MARCHF8: variants seen among roughly 807,000 people sequenced by gnomAD.
MARCHF8 encodes the protein membrane associated ring-CH-type finger 8.
In MARCHF8, 40 loss-of-function variants were observed where a neutral mutation model predicts 51.6. That is an observed-to-expected ratio of 0.77 (90% CI 0.60 to 1.01). The LOEUF (loss-of-function observed/expected upper bound fraction) is 1.01. Among genes scored for constraint, MARCHF8 ranks in the 50% least tolerant of loss-of-function variants. The probability of loss-of-function intolerance (pLI) is 0.00; values close to 1 mark genes in which losing one functional copy is unlikely to be tolerated. For synonymous variants in MARCHF8, 263 were observed against 280.3 expected (o/e 0.94, Z 0.62); for missense variants, 685 against 708.6 (o/e 0.97, Z 0.38).
At chr10:45,469,057 C>T (rs11239532) in intron 3 of MARCHF8, among the ~76,000 whole-genome samples, 26,048 of 151,992 alleles carry the variant, frequency 0.17, 2,322 homozygotes, top group Middle Eastern at 0.2. Context: ...TGCCCATCAC[C>T]TTGGAGCTGA....
chr10:45,513,580 A>G (rs759641892), intron 2 of MARCHF8, among the ~76,000 whole-genome samples: 2 of 152,128 alleles, frequency 1.3e-5, no homozygotes, highest in Admixed American at 6.5e-5. Context: ...AGTGTATTCA[A>G]TTTGGCCTGG....
rs369059163 is a variant in MARCHF8, at chr10:45,500,296, T to A, written c.103-10879A>T. Among the ~76,000 whole-genome samples, 3 of 152,318 alleles carry A rather than the reference T, an allele frequency of 2.0e-5. No homozygotes were observed. In the East Asian group the frequency reaches 5.8e-4, roughly 29 times the overall value. On this transcript the variant is annotated intron_variant, in intron 2 of 7. Coordinates refer to ENST00000453424, the MANE Select transcript of MARCHF8 (RefSeq NM_001282866.2). The stretch of plus-strand genomic sequence containing the variant: ...GTGTTGATTTTATAACTTGAAACTT[T>A]GCTGAATTCATTTAGTCTGATTTTT...
intron 1 of MARCHF8, among the ~76,000 whole-genome samples, chr10:45,565,436 T>C (rs554339512): frequency 2.6e-5 from 4 of 151,996 alleles, no homozygotes; most frequent in Admixed American, 2.6e-4. Context: ...ATCATAAAAA[T>C]AAAAATAAAT....
chr10:45,466,658 CT>C (rs966669791), intron 3 of MARCHF8, among the ~76,000 whole-genome samples: 1 of 152,170 alleles, frequency 6.6e-6, no homozygotes, highest in Non-Finnish European at 1.5e-5. Flanking sequence ...ACCACGTGTA[CT>C]TTCCTGTATT....
chr10:45,592,784 C>A (rs986710519), intron 1 of MARCHF8, among the ~76,000 whole-genome samples: 7 of 152,122 alleles, frequency 4.6e-5, no homozygotes, highest in Non-Finnish European at 7.3e-5. Context: ...AATGTTGGAG[C>A]TAAGGCTGCC....
rs1842652573 is a variant in MARCHF8 at position 45,457,861 on chromosome 10, C to G, written c.*378G>C. 1 of 212,626 alleles carries G rather than the reference C, an allele frequency of 4.7e-6. No homozygotes were observed. The highest frequency in any genetic ancestry group is 9.2e-6 in the Non-Finnish European group (1 of 108,926). The allele number at this position is 212,626 out of a possible 1,614,324, so 13.2% of individuals were successfully genotyped here. A position where few individuals can be genotyped will look rare whatever the true frequency, so the allele number is the denominator to read the frequency against. ...ACACTCCCCAATGCTCTGCTCCAGG[C>G]TGGGGACCACTGCAAGCTGGAGGCG... On this transcript the variant is annotated 3_prime_UTR_variant, in exon 8 of 8. Transcript: ENST00000453424.
In MARCHF8 at chr10:45,459,410, C is replaced by T. The variant is rs575847583; in HGVS notation, c.1270-143G>A. 5 of 982,902 alleles carry T rather than the reference C, an allele frequency of 5.1e-6. No homozygotes were observed. The Admixed American group carries it at 1.6e-4, about 31-fold the overall frequency. The allele number at this position is 982,902 out of a possible 1,614,324, so 60.9% of individuals were successfully genotyped here. A position where few individuals can be genotyped will look rare whatever the true frequency, so the allele number is the denominator to read the frequency against. The stretch of plus-strand genomic sequence containing the variant: ...ATGCATTCCCCCAAGTATTGTTCTC[C>T]TAAAACCACTTGGCTTCAACCAGGT... On this transcript the variant is annotated intron_variant, in intron 6 of 7. Transcript: ENST00000453424.
chr10:45,563,398 C>T (rs2044332024), intron 1 of MARCHF8, among the ~76,000 whole-genome samples: 1 of 152,096 alleles, frequency 6.6e-6, no homozygotes, highest in Admixed American at 6.5e-5. Flanking sequence ...GTAGTATACG[C>T]AAGGGTTCTG....
intron 1 of MARCHF8, among the ~76,000 whole-genome samples, chr10:45,576,981 A>AG: frequency 7.2e-6 from 1 of 139,736 alleles, no homozygotes. Context: ...AAAGAAAAAA[A>AG]AAAAAAAAAG....
At position 45,463,528 on chromosome 10, in the gene MARCHF8, GC is replaced by G. The variant is rs1344749776; in HGVS notation, c.710del (p.Gly237AlafsTer33). On this transcript the variant is annotated frameshift_variant, in exon 5 of 8. Transcript: ENST00000453424. LOFTEE classifies it high-confidence loss of function. ...TCTCTTCCAGCAGCAGGCCGGGCCT[GC>G]CCCCCTTGCCAGCTTCCACCTCTGA... ...TASEVEAGKG[G>X]RPGLLLEEKA... is the part of the protein sequence containing the mutation. 6 of 1,550,504 alleles carry G rather than the reference GC, an allele frequency of 3.9e-6. No individual in the cohort carries two copies. The highest frequency in any genetic ancestry group is 1.7e-4 in the Middle Eastern group (1 of 6,014).
At position 45,583,286 on chromosome 10, in the gene MARCHF8, C is replaced by T. The variant is rs538058262; in HGVS notation, c.-79+10949G>A. Among the ~76,000 whole-genome samples, 9 of 152,258 alleles carry T rather than the reference C, an allele frequency of 5.9e-5. No homozygotes were observed. In the East Asian group the frequency reaches 1.7e-3, roughly 29 times the overall value. On this transcript the variant is annotated intron_variant, in intron 1 of 6. Transcript: ENST00000319836. ...CACCAAAACACCATTAGTGGGAGTA[C>T]AGACTGAAATAAAAACGGGACAACC...
At chr10:45,483,030 T>A (rs1589103998) in intron 3 of MARCHF8, among the ~76,000 whole-genome samples, 1 of 152,116 alleles carries the variant, frequency 6.6e-6, no homozygotes, top group African/African-American at 2.4e-5. Context: ...CCTGAAACTA[T>A]ATAACTATTA....
intron 2 of MARCHF8, among the ~76,000 whole-genome samples, chr10:45,521,024 T>TA (rs920839390): frequency 3.9e-5 from 6 of 151,980 alleles, no homozygotes; most frequent in Admixed American, 1.3e-4. Flanking sequence ...TGTGAACAGC[T>TA]AAAAAAAATA....
chr10:45,589,211 C>G (rs769641696), intron 1 of MARCHF8, among the ~76,000 whole-genome samples: 96 of 152,092 alleles, frequency 6.3e-4, no homozygotes, highest in Non-Finnish European at 2.8e-4. Context: ...CTAGGCACAG[C>G]TTAGCTGGGT....
At chr10:45,466,961 G>A (rs1266249412) in intron 3 of MARCHF8, among the ~76,000 whole-genome samples, 1 of 152,172 alleles carries the variant, frequency 6.6e-6, no homozygotes, top group African/African-American at 2.4e-5. Flanking sequence ...ACACACGTCA[G>A]GACATGTGTT....
intron 1 of MARCHF8, among the ~76,000 whole-genome samples, chr10:45,544,675 G>A (rs1000546644): frequency 1.4e-4 from 22 of 152,314 alleles, no homozygotes; most frequent in Middle Eastern, 3.4e-3. Context: ...GCAGATCAGT[G>A]ATTGCCTCAT....
rs1842680073 is a variant in MARCHF8, at chr10:45,458,450, T to C, written c.1511A>G (p.Tyr504Cys). 1.2e-6 allele frequency: 2 copies of C among 1,614,008 alleles called. No homozygotes were observed. The highest frequency in any genetic ancestry group is 1.7e-5 in the Admixed American group (1 of 60,004). The stretch of plus-strand genomic sequence containing the variant: ...CTTGAGTCTCTTCCACAATTGCACA[T>C]ACACTTTACACTGAACATACATAAA... ...LLFMYVQCKV[Y>C]VQLWKRLKAY... The change falls in exon 8 of 8, where the codon TAT becomes TGT. Residue 504 changes from tyrosine to cysteine, a missense_variant. Physicochemically the swap from Tyr to Cys is radical, Grantham distance 194. Coordinates refer to ENST00000453424, the MANE Select transcript of MARCHF8 (RefSeq NM_001282866.2).
intron 1 of MARCHF8, among the ~76,000 whole-genome samples, chr10:45,585,924 C>T (rs185089389): frequency 6.6e-6 from 1 of 152,004 alleles, no homozygotes; most frequent in Non-Finnish European, 1.5e-5. Context: ...TAACAATTTG[C>T]TTAACATCCT....
At chr10:45,493,809 A>G (rs2043125974) in intron 2 of MARCHF8, among the ~76,000 whole-genome samples, 1 of 152,256 alleles carries the variant, frequency 6.6e-6, no homozygotes, top group East Asian at 1.9e-4. Context: ...GGGTTTTGCC[A>G]TGTTGTCCAG....
Sources: allele counts gnomAD v4.1 joint callset (sites outside exome capture counted in the v4.1 genomes callset), GRCh38; gene constraint gnomAD v4.1.1; transcripts MANE v1.5; gene names NCBI Gene and HGNC (gene_info 2026-07-23, HGNC 2026-07-21).